UBE2B: variants seen among roughly 807,000 people sequenced by gnomAD.
UBE2B encodes ubiquitin conjugating enzyme E2 B.
UBE2B carries 11 observed loss-of-function variants against 24.6 expected under a neutral mutation model. That is an observed-to-expected ratio of 0.45 (90% CI 0.28 to 0.74). UBE2B has a LOEUF of 0.74. Ranked by LOEUF, UBE2B falls within the 30% of genes least tolerant of loss-of-function variation. UBE2B has a pLI of 0.13. For synonymous variants in UBE2B, 68 were observed against 62.4 expected (o/e 1.09, Z -0.42); for missense variants, 78 against 185.6 (o/e 0.42, Z 3.37).
chr5:134,383,473 C>CTATTTTTT lies in UBE2B; in HGVS notation c.241+2666_241+2667insATTTTTTT, dbSNP rs1554114519. 3.4e-4 allele frequency among the ~76,000 whole-genome samples: 27 copies of CTATTTTTT among 80,040 alleles called. 2 individuals carry two copies. The highest frequency in any genetic ancestry group is 1.3e-3 in the African/African-American group (24 of 18,436). The allele number at this position is 80,040 out of a possible 152,430, so 52.5% of individuals were successfully genotyped here. A position where few individuals can be genotyped will look rare whatever the true frequency, so the allele number is the denominator to read the frequency against. ...TGCAGATGTGTGCCACCATACCCAG[C>CTATTTTTT]TTTTTTTTTTTTTTTTTTTTTTTTT... On this transcript the variant is annotated intron_variant, in intron 4 of 5. Coordinates refer to ENST00000265339, the MANE Select transcript of UBE2B (RefSeq NM_003337.4).
At chr5:134,386,990 C>A (rs991253534) in intron 4 of UBE2B, among the ~76,000 whole-genome samples, 1 of 148,336 alleles carries the variant, frequency 6.7e-6, no homozygotes, top group Non-Finnish European at 1.5e-5. Flanking sequence ...GATAGAGTCT[C>A]GCTCTGTCGC....
chr5:134,375,452 C>T lies in UBE2B; in HGVS notation c.125+989C>T, dbSNP rs149357870. Among the ~76,000 whole-genome samples the T allele has an allele frequency of 3.8e-3, 577 of 152,190 alleles. 5 individuals carry two copies. Among genetic ancestry groups the T allele is most frequent in the African/African-American group, 0.013 (521 of 41,510 alleles). On this transcript the variant is annotated intron_variant, in intron 2 of 5. Transcript: ENST00000265339. Reference sequence around the variant, plus strand: ...CTACAGAATCAGCTACAAGAGTCTACATTTAAAGACTAGTGGAAAATGAGT... The same window carrying T: ...CTACAGAATCAGCTACAAGAGTCTATATTTAAAGACTAGTGGAAAATGAGT...
chr5:134,383,441 C>T (rs1336353287), intron 4 of UBE2B, among the ~76,000 whole-genome samples: 1 of 142,278 alleles, frequency 7.0e-6, no homozygotes, highest in Non-Finnish European at 1.5e-5. Context: ...TCCTGAGTAG[C>T]TGGGACTGCA....
intron 4 of UBE2B, among the ~76,000 whole-genome samples, chr5:134,381,833 A>G (rs1187104876): frequency 6.6e-6 from 1 of 152,206 alleles, no homozygotes; most frequent in Non-Finnish European, 1.5e-5. Flanking sequence ...AATCTCAGCT[A>G]CTCAGGAGGC....
intron 5 of UBE2B, chr5:134,389,077 G>A (rs1413849365): frequency 3.5e-6 from 1 of 285,998 alleles, no homozygotes; most frequent in Non-Finnish European, 6.7e-6. Flanking sequence ...TCAGCCTCCT[G>A]AGTAGCTAGG....
At position 134,390,520 on chromosome 5, in the gene UBE2B, T is replaced by A; in HGVS notation, c.*167T>A. 1 of 709,618 alleles carries A rather than the reference T, an allele frequency of 1.4e-6. No homozygotes were observed. Among genetic ancestry groups the A allele is most frequent in the Non-Finnish European group, 2.3e-6 (1 of 436,844 alleles). 44.0% of individuals were successfully genotyped at this position (709,618 alleles called of 1,614,324 possible). ...AAAAGCTTGTGTATCTTGATTAATGTACTTTTTATTGCATGGTGTGAACTA... is the reference window on the plus strand; with the variant it reads ...AAAAGCTTGTGTATCTTGATTAATGAACTTTTTATTGCATGGTGTGAACTA... On this transcript the variant is annotated 3_prime_UTR_variant, in exon 6 of 6. Coordinates refer to ENST00000265339, the MANE Select transcript of UBE2B (RefSeq NM_003337.4). This position sits in a 1 kb window ranked among gnomAD's most constrained non-coding sequence, Gnocchi z 4.6.
intron 2 of UBE2B, among the ~76,000 whole-genome samples, chr5:134,375,812 A>C (rs1398156154): frequency 6.6e-6 from 1 of 150,762 alleles, no homozygotes; most frequent in African/African-American, 2.4e-5. Context: ...AAAAAAAAAA[A>C]AAAAAAAAAA....
intron 5 of UBE2B, among the ~76,000 whole-genome samples, chr5:134,389,464 T>A (rs199650575): frequency 6.6e-6 from 1 of 152,230 alleles, no homozygotes; most frequent in East Asian, 1.9e-4. Flanking sequence ...GTTTATTTCC[T>A]TGGTTTAATG....
In UBE2B at chr5:134,390,570, T is replaced by C; in HGVS notation, c.*217T>C. 2.0e-6 allele frequency: 1 copy of C among 508,490 alleles called. No homozygotes were observed. 31.5% of individuals were successfully genotyped at this position (508,490 alleles called of 1,614,324 possible). ...AAGTTATTGCTGCATAAATTTGTAA[T>C]ATATCCTGTTTGTATTTTTTTCCAA... is the stretch of plus-strand genomic sequence containing the variant. On this transcript the variant is annotated 3_prime_UTR_variant, in exon 6 of 6. Transcript: ENST00000265339. This position sits in a 1 kb window ranked among gnomAD's most constrained non-coding sequence, Gnocchi z 4.6.
chr5:134,377,947 A>T (rs1758636404), intron 3 of UBE2B, among the ~76,000 whole-genome samples: 1 of 152,326 alleles, frequency 6.6e-6, no homozygotes, highest in South Asian at 2.1e-4. Context: ...TATAGCCAGC[A>T]CTTTGGGAGG....
chr5:134,384,690 A>T (rs1758767657), intron 4 of UBE2B, among the ~76,000 whole-genome samples: 1 of 152,128 alleles, frequency 6.6e-6, no homozygotes, highest in Non-Finnish European at 1.5e-5. Flanking sequence ...TTATTTTTTT[A>T]AAAACATTTA....
intron 3 of UBE2B, 92 bp downstream of exon 3, chr5:134,376,786 C>G: frequency 1.6e-6 from 2 of 1,283,526 alleles, no homozygotes; most frequent in Middle Eastern, 2.1e-4. Flanking sequence ...AAGCCATTTT[C>G]TATGGTTAAT....
chr5:134,376,792 T>G lies in UBE2B; in HGVS notation c.151+98T>G, dbSNP rs370775606. 7.6e-4 allele frequency: 902 copies of G among 1,179,128 alleles called. 14 individuals are homozygous for G. In the South Asian group the frequency reaches 0.013, roughly 17 times the overall value. 73.0% of individuals were successfully genotyped at this position (1,179,128 alleles called of 1,614,324 possible). On this transcript the variant is annotated intron_variant, in intron 3 of 5. Transcript: ENST00000265339. The stretch of plus-strand genomic sequence containing the variant: ...ATCTACTTGAAGCCATTTTCTATGG[T>G]TAATAGGCCAAGTTAAAAGTAAAGC...
chr5:134,376,348 A>AATAT lies in UBE2B; in HGVS notation c.126-307_126-304dup, dbSNP rs1190025064. 8.2e-3 allele frequency among the ~76,000 whole-genome samples: 39 copies of AATAT among 4,774 alleles called. 3 individuals are homozygous for AATAT. The highest frequency in any genetic ancestry group is 0.016 in the East Asian group (2 of 124). 3.1% of individuals were successfully genotyped at this position (4,774 alleles called of 152,430 possible). ...AAAAAAAAAAAAAAAAAAAAAAAAA[A>AATAT]ATATATATATATATATACACATATG... On this transcript the variant is annotated intron_variant, in intron 2 of 5. Transcript: ENST00000265339.
rs1561683320 is a variant in UBE2B, at chr5:134,388,398, C to A, written c.315C>A (p.Ile105=). 1 of 1,613,612 alleles carries A rather than the reference C, an allele frequency of 6.2e-7. No individual in the cohort carries two copies. The highest frequency in any genetic ancestry group is 1.3e-5 in the African/African-American group (1 of 74,928). ...GTCCAACATATGATGTATCTTCTAT[C>A]TTAACATCAATTCAGGTAAGTGTGT... is the stretch of plus-strand genomic sequence containing the variant. ...RWSPTYDVSS[I]LTSIQSLLDE... is the part of the protein sequence containing the mutation. The change falls in exon 5 of 6, where the codon ATC becomes ATA. Residue 105 remains isoleucine (I), a synonymous_variant. Coordinates refer to ENST00000265339, the MANE Select transcript of UBE2B (RefSeq NM_003337.4).
intron 2 of UBE2B, among the ~76,000 whole-genome samples, chr5:134,376,199 G>A (rs1758599708): frequency 6.7e-6 from 1 of 148,740 alleles, no homozygotes; most frequent in South Asian, 2.1e-4. Context: ...CCAGGCATCT[G>A]TAATCCCACC....
intron 5 of UBE2B, chr5:134,388,935 CTTCTTTAA>C (rs1333925603): frequency 2.8e-5 from 9 of 315,962 alleles, no homozygotes; most frequent in African/African-American, 2.3e-4. Flanking sequence ...TTCTCTCACA[CTTCTTTAA>C]TTGTTTTTTT....
At chr5:134,374,808 G>C (rs752176243) in intron 2 of UBE2B, among the ~76,000 whole-genome samples, 4 of 152,090 alleles carry the variant, frequency 2.6e-5, no homozygotes, top group Non-Finnish European at 4.4e-5. Flanking sequence ...TGAGCATGGT[G>C]GTGCATACCT....
At chr5:134,381,734 A>G (rs1758713481) in intron 4 of UBE2B, among the ~76,000 whole-genome samples, 1 of 152,178 alleles carries the variant, frequency 6.6e-6, no homozygotes. Context: ...ACCTGAGGTC[A>G]GGAGTTTGAG....
Sources: gnomAD v4.1 joint callset for allele counts (sites outside exome capture counted in the v4.1 genomes callset) on GRCh38, gnomAD v4.1.1 for gene constraint, Gnocchi (gnomAD v3.1) non-coding constraint, MANE v1.5 for transcripts, NCBI Gene and HGNC (gene_info 2026-07-23, HGNC 2026-07-21) for gene names.